Variants in TGM6 observed in about 807,000 individuals in gnomAD.
TGM6 encodes protein-glutamine gamma-glutamyltransferase 6.
TGM6 carries 74 observed loss-of-function variants against 77.5 expected under a neutral mutation model. The ratio of observed to expected loss-of-function variants is 0.96; its 90% CI spans 0.79 to 1.16. The LOEUF (loss-of-function observed/expected upper bound fraction) is 1.16, where lower values mean the gene tolerates loss of function less well. TGM6 is among the 50% of genes most tolerant of loss of function. TGM6 has a pLI of 0.00. For missense variants in TGM6, 968 were observed against 940.2 expected, an observed-to-expected ratio of 1.03 and a Z score of -0.39; for synonymous variants, 383 against 378.9, an observed-to-expected ratio of 1.01 and a Z score of -0.12.
At position 2,399,642 on chromosome 20, in the gene TGM6, C is replaced by T. The variant is rs759954675; in HGVS notation, c.754C>T (p.Arg252Cys). The change falls in exon 6 of 13, where the codon CGC (arginine) becomes TGC (cysteine). Residue 252 changes from arginine to cysteine, a missense_variant. Transcript: ENST00000202625. ...CGGCGGCACCAGCCCGCTGCACTGG[C>T]GCGGCAGCGTGGCCATTCTGCAGAA... is the stretch of plus-strand genomic sequence containing the variant. ...YGGGTSPLHW[R>C]GSVAILQKWL... 9 of 1,613,576 alleles carry T rather than the reference C, an allele frequency of 5.6e-6. No homozygotes were observed. The highest frequency in any genetic ancestry group is 3.3e-5 in the Admixed American group (2 of 60,014).
At chr20:2,397,811 C>A in intron 4 of TGM6, 107 bp from the exon 5 acceptor site, 1 of 1,588,682 alleles carries the variant, frequency 6.3e-7, no homozygotes, top group Non-Finnish European at 8.6e-7. Context: ...GAGGGGGCAG[C>A]AAACTGCCCT....
chr20:2,392,496 A>G (rs1467186805), intron 1 of TGM6, among the ~76,000 whole-genome samples: 1 of 152,232 alleles, frequency 6.6e-6, no homozygotes, highest in Non-Finnish European at 1.5e-5. Context: ...CCTGGAACAT[A>G]ATAAGTAACG....
chr20:2,384,963 G>A (rs60944255), intron 1 of TGM6, among the ~76,000 whole-genome samples: 3,410 of 152,258 alleles, frequency 0.022, 118 homozygotes, highest in African/African-American at 0.078. Flanking sequence ...CAGGCTGCCA[G>A]TTCTGTCCTC....
intron 9 of TGM6, among the ~76,000 whole-genome samples, chr20:2,410,522 C>T (rs2122392553): frequency 6.6e-6 from 1 of 152,294 alleles, no homozygotes; most frequent in African/African-American, 2.4e-5. Context: ...AAACCTAAGG[C>T]TGGGGCCAGT....
At chr20:2,430,301 A>G in intron 10 of TGM6, 145 bp from the exon 11 acceptor site, 1 of 1,126,168 alleles carries the variant, frequency 8.9e-7, no homozygotes, top group East Asian at 2.4e-5. Context: ...TCTTCATCTG[A>G]GAACCGAGGA....
intron 1 of TGM6, among the ~76,000 whole-genome samples, chr20:2,386,193 T>A (rs774982667): frequency 1.3e-5 from 2 of 152,180 alleles, no homozygotes; most frequent in Non-Finnish European, 2.9e-5. Context: ...AGAACGTATC[T>A]GAAATCACCG....
intron 10 of TGM6, among the ~76,000 whole-genome samples, chr20:2,421,622 G>A (rs950015036): frequency 2.6e-5 from 4 of 151,980 alleles, no homozygotes; most frequent in African/African-American, 7.3e-5. Flanking sequence ...TATTTTAATC[G>A]GGTTGTTCAT....
intron 5 of TGM6, 70 bp downstream of exon 5, chr20:2,398,116 C>T: frequency 1.2e-6 from 2 of 1,612,162 alleles, no homozygotes; most frequent in Admixed American, 1.7e-5. Context: ...GGGCCACAAC[C>T]TGTGATTCTT....
At chr20:2,381,093 T>C in intron 1 of TGM6, 118 bp downstream of exon 1, 1 of 1,433,194 alleles carries the variant, frequency 7.0e-7, no homozygotes, top group South Asian at 1.2e-5. Context: ...AGCTGGATAG[T>C]CCACCATGAA....
At position 2,425,160 on chromosome 20, in the gene TGM6, G is replaced by A. The variant is rs147771065; in HGVS notation, c.1679-5286G>A. On this transcript the variant is annotated intron_variant, in intron 10 of 12. Coordinates refer to ENST00000202625, the MANE Select transcript of TGM6 (RefSeq NM_198994.3). ...GTTTGAGACCAGCTTGGGCAACACA[G>A]CAATACCCCATCTCTACAAAAAATT... is the stretch of plus-strand genomic sequence containing the variant. 1.1e-3 allele frequency among the ~76,000 whole-genome samples: 169 copies of A among 152,134 alleles called. 1 individual carries two copies. The highest frequency in any genetic ancestry group is 2.0e-3 in the Non-Finnish European group (138 of 68,012).
intron 4 of TGM6, 52 bp downstream of exon 4, chr20:2,396,676 CG>C: frequency 1.3e-6 from 2 of 1,560,220 alleles, no homozygotes; most frequent in Non-Finnish European, 1.8e-6. Flanking sequence ...ATGGGGAGGT[CG>C]GTGGGACTGG....
chr20:2,403,292 A>T, intron 7 of TGM6, 105 bp from the exon 8 acceptor site: 1 of 1,176,698 alleles, frequency 8.5e-7, no homozygotes, highest in Non-Finnish European at 1.2e-6. Flanking sequence ...ACATGCAGCC[A>T]CAGTTCTTGT....
chr20:2,406,867 C>T (rs1404237777), intron 9 of TGM6, among the ~76,000 whole-genome samples: 1 of 65,040 alleles, frequency 1.5e-5, no homozygotes, highest in Non-Finnish European at 4.6e-5. Flanking sequence ...AAAAAAAAAA[C>T]CATGGCCACA....
At chr20:2,401,174 C>A (rs940868459) in intron 7 of TGM6, among the ~76,000 whole-genome samples, 2 of 151,182 alleles carry the variant, frequency 1.3e-5, no homozygotes, top group Non-Finnish European at 2.9e-5. Context: ...TGCCACTGCG[C>A]TCCAGCCTGG....
Position 2,395,255 on chromosome 20 carries a change from G to T in TGM6, c.243G>T (p.Arg81=). Residue 81 remains arginine, a synonymous_variant, in exon 3 of 13, where the codon CGG becomes CGT. Coordinates refer to ENST00000202625, the MANE Select transcript of TGM6 (RefSeq NM_198994.3). ...KAVFQTSELE[R]GEGWTAAREA... The stretch of plus-strand genomic sequence containing the variant: ...TGTTCCAGACATCGGAGCTGGAGCG[G>T]GGTGAGGGCTGGACAGCAGCAAGGG... 6.2e-7 allele frequency: 1 copy of T among 1,614,122 alleles called. No individual in the cohort carries two copies. The highest frequency in any genetic ancestry group is 8.5e-7 in the Non-Finnish European group (1 of 1,180,018).
chr20:2,385,518 G>A (rs2084588559), intron 1 of TGM6, among the ~76,000 whole-genome samples: 1 of 152,222 alleles, frequency 6.6e-6, no homozygotes, highest in Non-Finnish European at 1.5e-5. Flanking sequence ...GACCCAGAGA[G>A]GCAGTGGGTG....
chr20:2,430,361 A>G (rs2122441618), intron 10 of TGM6, 85 bp from the exon 11 acceptor site: 2 of 1,533,938 alleles, frequency 1.3e-6, no homozygotes, highest in Non-Finnish European at 1.8e-6. Flanking sequence ...GAAAGGAGCT[A>G]TTAGTTGTGC....
At chr20:2,419,283 A>G (rs1172379626) in intron 10 of TGM6, among the ~76,000 whole-genome samples, 1 of 151,998 alleles carries the variant, frequency 6.6e-6, no homozygotes, top group African/African-American at 2.4e-5. Context: ...TCTGAATTCT[A>G]AGGATTCAAT....
chr20:2,395,671 G>C (rs1209573589), intron 3 of TGM6, among the ~76,000 whole-genome samples: 1 of 152,228 alleles, frequency 6.6e-6, no homozygotes, highest in Non-Finnish European at 1.5e-5. Flanking sequence ...GTGGGTAAGA[G>C]CCAGGACTTG....
Sources: gnomAD v4.1 joint callset for allele counts (sites outside exome capture counted in the v4.1 genomes callset) on GRCh38, gnomAD v4.1.1 for gene constraint, MANE v1.5 for transcripts, NCBI Gene and HGNC (gene_info 2026-07-23, HGNC 2026-07-21) for gene names.